The following EIF2AK1 variants were observed in gnomAD, a reference collection of about 807,000 sequenced individuals.
EIF2AK1 encodes the protein eukaryotic translation initiation factor 2-alpha kinase 1.
A neutral mutation model predicts 77.9 loss-of-function variants in EIF2AK1; 54 were observed. That is an observed-to-expected ratio of 0.69 (90% CI 0.56 to 0.87). The LOEUF (loss-of-function observed/expected upper bound fraction) is 0.87. Ranked by LOEUF, EIF2AK1 falls within the 40% of genes least tolerant of loss-of-function variation. The pLI is 0.00. For missense variants in EIF2AK1, 810 were observed against 768.6 expected (o/e 1.05, Z -0.64); for synonymous variants, 314 against 290.5 (o/e 1.08, Z -0.82).
At chr7:6,034,286 G>A (rs1041343565) in intron 11 of EIF2AK1, among the ~76,000 whole-genome samples, 6 of 151,936 alleles carry the variant, frequency 3.9e-5, no homozygotes, top group South Asian at 2.1e-4. Flanking sequence ...CAGCCTGGGC[G>A]ACAGAGCAAG....
Position 6,040,917 on chromosome 7 carries a change from T to C in EIF2AK1, c.1094A>G (p.Asn365Ser), listed in dbSNP as rs759205881. The C allele has an allele frequency of 6.2e-7, 1 of 1,614,052 alleles. No homozygotes were observed. Among genetic ancestry groups the C allele is most frequent in the Non-Finnish European group, 8.5e-7 (1 of 1,179,990 alleles). ...FTSTEESSEE[N>S]VNFLGQTEAQ... The stretch of plus-strand genomic sequence containing the variant: ...CTCTGTCTGACCCAAAAAGTTGACA[T>C]TTTCTTCGGAAGATTCTTCGGTGGA... The change falls in exon 9 of 15, where the codon AAT becomes AGT. Residue 365 changes from asparagine (N) to serine (S), a missense_variant. Around this residue, in one of 3 missense-constraint regions of EIF2AK1, gnomAD observed 549 missense variants for 533.7 expected, o/e 1.03. Transcript: ENST00000199389.
At chr7:6,051,961 A>G (rs1788617476) in intron 2 of EIF2AK1, among the ~76,000 whole-genome samples, 1 of 152,034 alleles carries the variant, frequency 6.6e-6, no homozygotes, top group Non-Finnish European at 1.5e-5. Context: ...TCATGAGGTC[A>G]CGAGATCGAG....
intron 3 of EIF2AK1, among the ~76,000 whole-genome samples, chr7:6,049,312 G>C (rs1010598293): frequency 3.3e-5 from 5 of 152,210 alleles, no homozygotes; most frequent in African/African-American, 1.2e-4. Flanking sequence ...GGGAGGCCAA[G>C]GCAGGCACAT....
intron 1 of EIF2AK1, among the ~76,000 whole-genome samples, chr7:6,056,611 A>AAAAAAAAAAAAAAATAT (rs1788773483): frequency 3.2e-5 from 1 of 31,160 alleles, no homozygotes; most frequent in African/African-American, 1.2e-4. Flanking sequence ...AAAAAAAAAA[A>AAAAAAAAAAAAAAATAT]AAATATATAT....
At chr7:6,026,378 C>T (rs1472418685) in intron 14 of EIF2AK1, 2 of 489,746 alleles carry the variant, frequency 4.1e-6, no homozygotes, top group East Asian at 6.1e-5. Context: ...ACCCTGCGGG[C>T]CCCTCCGGCC....
At chr7:6,042,188 C>T (rs574887898) in intron 8 of EIF2AK1, among the ~76,000 whole-genome samples, 28 of 152,022 alleles carry the variant, frequency 1.8e-4, no homozygotes, top group African/African-American at 6.3e-4. Context: ...CAGTGGCTCA[C>T]AACTGTAATC....
rs1021160134 is a variant in EIF2AK1, at chr7:6,032,214, T to C, written c.1333-3182A>G. On this transcript the variant is annotated intron_variant, in intron 11 of 14. Coordinates refer to ENST00000199389, the MANE Select transcript of EIF2AK1 (RefSeq NM_014413.4). The surrounding 1 kb of genome is among the most constrained non-coding windows in gnomAD (Gnocchi z 4.3). Reference sequence around the variant, plus strand: ...AAAAATAGTTTTTCCCTTTTTAATATATACATTTTCATTTTCTAAATTTTT... The same window carrying C: ...AAAAATAGTTTTTCCCTTTTTAATACATACATTTTCATTTTCTAAATTTTT... 3.9e-5 allele frequency among the ~76,000 whole-genome samples: 6 copies of C among 152,160 alleles called. No individual in the cohort carries two copies. The highest frequency in any genetic ancestry group is 7.2e-5 in the African/African-American group (3 of 41,458).
intron 1 of EIF2AK1, 143 bp downstream of exon 1, chr7:6,058,823 C>G: frequency 1.5e-6 from 1 of 651,358 alleles, no homozygotes; most frequent in Non-Finnish European, 2.4e-6. Flanking sequence ...CCCCCTCGCA[C>G]TGCGCGGCTG....
At chr7:6,025,487 T>C (rs905479289) in intron 14 of EIF2AK1, among the ~76,000 whole-genome samples, 1 of 151,886 alleles carries the variant, frequency 6.6e-6, no homozygotes, top group South Asian at 2.1e-4. Context: ...AGACAGGCGG[T>C]GGGGAGTCAA....
chr7:6,035,690 G>A lies in EIF2AK1; in HGVS notation c.1332+1734C>T. 6.4e-7 allele frequency: 1 copy of A among 1,550,564 alleles called. No individual in the cohort carries two copies. Among genetic ancestry groups the A allele is most frequent in the Non-Finnish European group, 8.7e-7 (1 of 1,147,064 alleles). On this transcript the variant is annotated intron_variant, in intron 11 of 14. Coordinates refer to ENST00000199389, the MANE Select transcript of EIF2AK1 (RefSeq NM_014413.4). This position sits in a 1 kb window ranked among gnomAD's most constrained non-coding sequence, Gnocchi z 5.5. ...GTTGCTATCCAGTTCTCTCCATTTT[G>A]ACCCAAAATGGTGCCGATGTCAATG...
chr7:6,050,505 T>C (rs891784258), intron 2 of EIF2AK1, among the ~76,000 whole-genome samples: 1 of 151,964 alleles, frequency 6.6e-6, no homozygotes, highest in Non-Finnish European at 1.5e-5. Context: ...CTTAGATAAA[T>C]TTTTTTAAAA....
intron 11 of EIF2AK1, among the ~76,000 whole-genome samples, chr7:6,037,177 G>C (rs1788125938): frequency 6.6e-6 from 1 of 151,914 alleles, no homozygotes; most frequent in Non-Finnish European, 1.5e-5. Flanking sequence ...GCTGCAGTGA[G>C]CTGTAATCGT....
chr7:6,029,571 A>G (rs1054386847), intron 11 of EIF2AK1, among the ~76,000 whole-genome samples: 17 of 152,272 alleles, frequency 1.1e-4, no homozygotes, highest in African/African-American at 3.6e-4. Context: ...CGCAAGCATC[A>G]GTATTATTAA....
chr7:6,026,974 A>G lies in EIF2AK1; in HGVS notation c.1531-13T>C, dbSNP rs775359246. On this transcript the variant is annotated splice_polypyrimidine_tract_variant and intron_variant, in intron 13 of 14. Transcript: ENST00000199389. Reference sequence around the variant, plus strand: ...TGTACATATCTGACTGGAAAAAGAAAAAAAGGGGAACTCAGTAGTGAAATA... The same window carrying G: ...TGTACATATCTGACTGGAAAAAGAAGAAAAGGGGAACTCAGTAGTGAAATA... 2 of 1,600,896 alleles carry G rather than the reference A, an allele frequency of 1.2e-6. No individual in the cohort carries two copies. Among genetic ancestry groups the G allele is most frequent in the Non-Finnish European group, 1.7e-6 (2 of 1,169,010 alleles).
intron 11 of EIF2AK1, chr7:6,031,629 T>G (rs1024948832): frequency 1.3e-6 from 2 of 1,542,870 alleles, no homozygotes; most frequent in African/African-American, 1.4e-5. Context: ...TGGAAAAAAG[T>G]CAGGCTGCTT....
At position 6,042,949 on chromosome 7, in the gene EIF2AK1, C is replaced by A; in HGVS notation, c.775G>T (p.Asp259Tyr). Residue 259 changes from aspartate to tyrosine, a missense_variant, in exon 8 of 15, where the codon GAC (aspartate) becomes TAC (tyrosine). This residue lies in a region of EIF2AK1 where 549 missense variants were observed against 533.7 expected (regional missense o/e 1.03). Coordinates refer to ENST00000199389, the MANE Select transcript of EIF2AK1 (RefSeq NM_014413.4). The part of the protein sequence containing the change: ...IELPSLEVLS[D>Y]QEEDREQCGV... ...AGGACATACCTGTCCTCTTCCTGGT[C>A]GGAGAGCACTTCCAGAGATGGCAAC... 1 of 1,613,978 alleles carries A rather than the reference C, an allele frequency of 6.2e-7. No homozygotes were observed. Among genetic ancestry groups the A allele is most frequent in the South Asian group, 1.1e-5 (1 of 91,072 alleles).
At position 6,037,421 on chromosome 7, in the gene EIF2AK1, T is replaced by A; in HGVS notation, c.1332+3A>T. 6.3e-7 allele frequency: 1 copy of A among 1,597,278 alleles called. No individual in the cohort carries two copies. Among genetic ancestry groups the A allele is most frequent in the Admixed American group, 1.7e-5 (1 of 59,318 alleles). The stretch of plus-strand genomic sequence containing the variant: ...TTTCAATGATTTCATCGCCCCCACT[T>A]ACCTTCAGATCTCGGTGCACAATTC... On this transcript the variant is annotated splice_donor_region_variant and intron_variant, in intron 11 of 14. Transcript: ENST00000199389.
chr7:6,056,613 A>AAAAAATATATATATATATATAT, intron 1 of EIF2AK1, among the ~76,000 whole-genome samples: 3 of 43,738 alleles, frequency 6.9e-5, no homozygotes, highest in Admixed American at 2.4e-4. Context: ...AAAAAAAAAA[A>AAAAAATATATATATATATATAT]ATATATATAT....
At chr7:6,043,578 A>G (rs1385606313) in intron 7 of EIF2AK1, among the ~76,000 whole-genome samples, 1 of 151,692 alleles carries the variant, frequency 6.6e-6, no homozygotes, top group Non-Finnish European at 1.5e-5. Flanking sequence ...ACAGGTGCTC[A>G]CCACCATGCC....
Sources: allele counts gnomAD v4.1 joint callset (sites outside exome capture counted in the v4.1 genomes callset), GRCh38; gene constraint gnomAD v4.1.1; regional missense constraint gnomAD v4.1.1; non-coding constraint Gnocchi (gnomAD v3.1); transcripts MANE v1.5; gene names NCBI Gene and HGNC (gene_info 2026-07-23, HGNC 2026-07-21).